Variants in KCNN2 observed in about 807,000 individuals in gnomAD.
The protein encoded by KCNN2 is potassium calcium-activated channel subfamily N member 2.
Under a neutral mutation model 55.5 loss-of-function variants are expected in KCNN2, and 24 were observed. The ratio of observed to expected loss-of-function variants is 0.43; its 90% confidence interval spans 0.31 to 0.61. KCNN2 has a LOEUF of 0.61. KCNN2 is among the 20% of genes least tolerant of loss of function. The pLI, the probability that KCNN2 is intolerant of heterozygous loss-of-function variation, is 0.08. For synonymous variants in KCNN2, 431 were observed against 336.1 expected, an observed-to-expected ratio of 1.28 and a Z score of -3.09; for missense variants, 754 against 853.6, an observed-to-expected ratio of 0.88 and a Z score of 1.45.
At chr5:114,143,008 C>T (rs1752318383) in intron 1 of KCNN2, among the ~76,000 whole-genome samples, 1 of 152,052 alleles carries the variant, frequency 6.6e-6, no homozygotes, top group Non-Finnish European at 1.5e-5. Flanking sequence ...TTCCTTTTTC[C>T]CAGGTGGATT....
intron 2 of KCNN2, among the ~76,000 whole-genome samples, chr5:114,235,330 A>G (rs1754468642): frequency 6.6e-6 from 1 of 152,210 alleles, no homozygotes. Flanking sequence ...AATTAATGCA[A>G]TTAAGTTTCC....
At chr5:114,340,414 T>C (rs1756994945) in intron 2 of KCNN2, among the ~76,000 whole-genome samples, 1 of 152,134 alleles carries the variant, frequency 6.6e-6, no homozygotes, top group African/African-American at 2.4e-5. Flanking sequence ...GTATATATAT[T>C]ATAGTTTATA....
intron 4 of KCNN2, among the ~76,000 whole-genome samples, chr5:114,468,035 T>TATTA (rs1239272137): frequency 6.6e-6 from 1 of 152,140 alleles, no homozygotes; most frequent in East Asian, 1.9e-4. Context: ...AGGCCCAGGC[T>TATTA]TAATAACTGG....
intron 1 of KCNN2, among the ~76,000 whole-genome samples, chr5:114,091,335 T>A (rs1751140187): frequency 6.6e-6 from 1 of 152,158 alleles, no homozygotes; most frequent in African/African-American, 2.4e-5. Flanking sequence ...ATGGGGAACA[T>A]GTCCTCTTGC....
chr5:114,414,092 T>C (rs1044504294), intron 3 of KCNN2, among the ~76,000 whole-genome samples: 1 of 152,242 alleles, frequency 6.6e-6, no homozygotes, highest in East Asian at 1.9e-4. Flanking sequence ...TCCTACTTCC[T>C]GCTGGATTTT....
intron 1 of KCNN2, among the ~76,000 whole-genome samples, chr5:114,094,093 T>A (rs1439243926): frequency 6.6e-6 from 1 of 152,196 alleles, no homozygotes; most frequent in Non-Finnish European, 1.5e-5. Flanking sequence ...GGGTTGTTTT[T>A]TGTTTGCTTT....
At chr5:114,209,414 G>A (rs1466900861) in intron 1 of KCNN2, among the ~76,000 whole-genome samples, 1 of 151,692 alleles carries the variant, frequency 6.6e-6, no homozygotes, top group Non-Finnish European at 1.5e-5. Flanking sequence ...CATTGGTTTT[G>A]GAGCTTCTTT....
intron 1 of KCNN2, among the ~76,000 whole-genome samples, chr5:114,182,566 T>G (rs531071189): frequency 1.3e-5 from 2 of 152,254 alleles, no homozygotes; most frequent in East Asian, 3.9e-4. Flanking sequence ...TTTGGTGGTT[T>G]TTAGTATAGA....
At chr5:114,222,613 A>G (rs1008323153) in intron 2 of KCNN2, among the ~76,000 whole-genome samples, 4 of 152,188 alleles carry the variant, frequency 2.6e-5, no homozygotes, top group African/African-American at 9.6e-5. Flanking sequence ...GGGAATGTCA[A>G]TTCTTCCTCA....
At chr5:114,277,124 G>A (rs1755506971) in intron 2 of KCNN2, among the ~76,000 whole-genome samples, 1 of 152,066 alleles carries the variant, frequency 6.6e-6, no homozygotes, top group Non-Finnish European at 1.5e-5. Flanking sequence ...ATGAAATTCT[G>A]GGTTGAAAAT....
chr5:114,080,090 T>C (rs1750776718), intron 1 of KCNN2, among the ~76,000 whole-genome samples: 1 of 152,168 alleles, frequency 6.6e-6, no homozygotes, highest in Admixed American at 6.5e-5. Context: ...TGTTAGTCCC[T>C]TGGAGCTTCT....
intron 3 of KCNN2, among the ~76,000 whole-genome samples, chr5:114,459,014 A>G (rs1283766682): frequency 6.6e-6 from 1 of 152,244 alleles, no homozygotes; most frequent in African/African-American, 2.4e-5. Context: ...ATTCCTTGGG[A>G]AAGATAACTT....
rs1029985485 is a variant in KCNN2 at position 114,057,845 on chromosome 5, T to C, written c.-271+1345T>C. 8.5e-5 allele frequency among the ~76,000 whole-genome samples: 13 copies of C among 152,158 alleles called. 1 individual carries two copies. The highest frequency in any genetic ancestry group is 1.5e-5 in the Non-Finnish European group (1 of 68,028). On this transcript the variant is annotated intron_variant, in intron 1 of 10. Coordinates refer to the KCNN2 transcript ENST00000512097. Reference sequence around the variant, plus strand: ...CATGGAAATGCAAATTAAGTCCACATTGAGATATTCTTTTATATGCATTTG... The same window carrying C: ...CATGGAAATGCAAATTAAGTCCACACTGAGATATTCTTTTATATGCATTTG...
At position 114,404,571 on chromosome 5, in the gene KCNN2, C is replaced by T. The variant is rs1033749010; in HGVS notation, c.1352C>T (p.Ala451Val). 1.2e-6 allele frequency: 2 copies of T among 1,613,808 alleles called. No individual in the cohort carries two copies. Among genetic ancestry groups the T allele is most frequent in the Non-Finnish European group, 1.7e-6 (2 of 1,179,986 alleles). Residue 451 changes from alanine (A) to valine (V), a missense_variant, in exon 3 of 8, where the codon GCC (alanine) becomes GTC (valine). Transcript: ENST00000673685. ...GGGAATTATACATTCACATGGACGG[C>T]CCGGCTTGCCTTCTCCTATGCCCCA... ...IPGNYTFTWT[A>V]RLAFSYAPST...
chr5:114,458,894 A>G (rs1761058144), intron 3 of KCNN2, among the ~76,000 whole-genome samples: 1 of 152,198 alleles, frequency 6.6e-6, no homozygotes, highest in South Asian at 2.1e-4. Context: ...TCTGCAGAGA[A>G]AGAGAGCTGT....
chr5:114,266,246 T>A (rs1441964880), intron 2 of KCNN2, among the ~76,000 whole-genome samples: 6 of 152,136 alleles, frequency 3.9e-5, no homozygotes, highest in Admixed American at 3.9e-4. Context: ...CAGCCACATT[T>A]CAGGTGCTCA....
At chr5:114,149,278 C>T (rs921894347) in intron 1 of KCNN2, among the ~76,000 whole-genome samples, 2 of 151,970 alleles carry the variant, frequency 1.3e-5, no homozygotes, top group South Asian at 2.1e-4. Flanking sequence ...TCGTCGAGAC[C>T]GAAGACTAGT....
At chr5:114,118,616 C>T (rs755870115) in intron 1 of KCNN2, among the ~76,000 whole-genome samples, 1 of 151,844 alleles carries the variant, frequency 6.6e-6, no homozygotes, top group African/African-American at 2.4e-5. Context: ...TGCCCACCCA[C>T]ACTGGGGAAG....
At chr5:114,106,217 G>A (rs147630899) in intron 1 of KCNN2, among the ~76,000 whole-genome samples, 1 of 150,908 alleles carries the variant, frequency 6.6e-6, no homozygotes, top group African/African-American at 2.4e-5. Context: ...GCCAAATTCT[G>A]TGTTTGAATT....
Sources: gnomAD v4.1 joint callset for allele counts (sites outside exome capture counted in the v4.1 genomes callset) on GRCh38, gnomAD v4.1.1 for gene constraint, MANE v1.5 for transcripts, NCBI Gene and HGNC (gene_info 2026-07-23, HGNC 2026-07-21) for gene names.